RBFOX1: variants seen among roughly 807,000 people sequenced by gnomAD.
The protein encoded by RBFOX1 is RNA binding fox-1 homolog 1.
In RBFOX1, 8 loss-of-function variants were observed where a neutral mutation model predicts 57.7. That is an observed-to-expected ratio of 0.14 (90% CI 0.08 to 0.25). RBFOX1 has a LOEUF of 0.25. Ranked by LOEUF, RBFOX1 falls within the 10% of genes least tolerant of loss-of-function variation. RBFOX1 has a pLI of 1.00. For synonymous variants in RBFOX1, 326 were observed against 222.4 expected (o/e 1.47, Z -4.15); for missense variants, 611 against 548.5 (o/e 1.11, Z -1.14).
At chr16:6,665,804 A>G (rs1033584061) in intron 3 of RBFOX1, among the ~76,000 whole-genome samples, 1 of 152,182 alleles carries the variant, frequency 6.6e-6, no homozygotes, top group Non-Finnish European at 1.5e-5. Context: ...AATCCTTAGA[A>G]AGATCCTTTA....
chr16:7,338,629 A>C (rs4787000), intron 4 of RBFOX1, among the ~76,000 whole-genome samples: 133,900 of 152,124 alleles, frequency 0.88, 59,216 homozygotes, highest in East Asian at 0.99. Context: ...CTGGTCTCAG[A>C]CACACACACT....
Position 7,443,450 on chromosome 16 carries a change from C to T in RBFOX1, c.28-74697C>T, listed in dbSNP as rs1195485628. Among the ~76,000 whole-genome samples, 8 of 150,902 alleles carry T rather than the reference C, an allele frequency of 5.3e-5. No homozygotes were observed. In the East Asian group the frequency reaches 1.4e-3, roughly 26 times the overall value. ...CCCCTCCCCTCTTTCTTTGCCCCCT[C>T]CCCCTCTCTTATAAGATTTCAGTTC... On this transcript the variant is annotated intron_variant, in intron 4 of 15. Transcript: ENST00000550418.
At chr16:5,756,244 A>AAAAAAAAAAAC (rs2053392258) in intron 3 of RBFOX1, among the ~76,000 whole-genome samples, 1 of 151,006 alleles carries the variant, frequency 6.6e-6, no homozygotes. Flanking sequence ...AAAAAAAAAA[A>AAAAAAAAAAAC]AAAACCCTGC....
At chr16:6,695,225 G>A (rs1318556915) in intron 3 of RBFOX1, among the ~76,000 whole-genome samples, 1 of 152,024 alleles carries the variant, frequency 6.6e-6, no homozygotes, top group Non-Finnish European at 1.5e-5. Context: ...TTTGAGACCA[G>A]CTTGGCCAAC....
chr16:5,671,496 A>G (rs545865142), intron 3 of RBFOX1, among the ~76,000 whole-genome samples: 2 of 152,352 alleles, frequency 1.3e-5, no homozygotes, highest in South Asian at 4.1e-4. Flanking sequence ...GGCATTCAGG[A>G]AATTCAGCCA....
chr16:5,279,192 A>G (rs1219491824), intron 1 of RBFOX1, among the ~76,000 whole-genome samples: 6 of 152,136 alleles, frequency 3.9e-5, no homozygotes, highest in Admixed American at 1.3e-4. Flanking sequence ...TTTTCACAAT[A>G]TTAGTTATTC....
At chr16:6,284,637 C>T (rs753541452) in intron 1 of RBFOX1, among the ~76,000 whole-genome samples, 1 of 152,136 alleles carries the variant, frequency 6.6e-6, no homozygotes, top group Non-Finnish European at 1.5e-5. Flanking sequence ...GGTATACTTA[C>T]AGAAAGTGGA....
rs1230576283 is a variant in RBFOX1, at chr16:7,504,787, TTA to T, written c.28-13346_28-13345del. 4.4e-3 allele frequency among the ~76,000 whole-genome samples: 41 copies of T among 9,330 alleles called. 3 individuals are homozygous for T. Among genetic ancestry groups the T allele is most frequent in the South Asian group, 0.013 (3 of 236 alleles). The allele number at this position is 9,330 out of a possible 152,430, so 6.1% of individuals were successfully genotyped here. ...TATATATATTTATATATATATATAT[TTA>T]TATATATATATATTTATATATATAT... On this transcript the variant is annotated intron_variant, in intron 4 of 15. Transcript: ENST00000550418.
At chr16:6,107,512 T>C (rs962160714) in intron 1 of RBFOX1, among the ~76,000 whole-genome samples, 11 of 152,136 alleles carry the variant, frequency 7.2e-5, no homozygotes, top group Admixed American at 6.5e-4. Flanking sequence ...ATATCCTCTA[T>C]GTATTAATTA....
intron 3 of RBFOX1, among the ~76,000 whole-genome samples, chr16:5,791,772 A>G (rs147197780): frequency 1.1e-4 from 17 of 152,384 alleles, no homozygotes; most frequent in Non-Finnish European, 2.2e-4. Flanking sequence ...TAAGCAATGC[A>G]ATAAGCATAT....
chr16:6,550,290 C>A (rs557671958), intron 2 of RBFOX1, among the ~76,000 whole-genome samples: 2 of 152,196 alleles, frequency 1.3e-5, no homozygotes, highest in African/African-American at 4.8e-5. Flanking sequence ...AATTCTCTTG[C>A]CTCAACCTTC....
At chr16:7,682,796 G>A (rs966325747) in intron 14 of RBFOX1, among the ~76,000 whole-genome samples, 1 of 149,658 alleles carries the variant, frequency 6.7e-6, no homozygotes, top group Non-Finnish European at 1.5e-5. Flanking sequence ...ACTTTTTCTT[G>A]TTCATTTAAA....
chr16:6,556,260 A>C (rs1206836439), intron 2 of RBFOX1, among the ~76,000 whole-genome samples: 2 of 152,188 alleles, frequency 1.3e-5, no homozygotes, highest in Admixed American at 6.5e-5. Flanking sequence ...GCATGTGTAC[A>C]AAAAGGCATC....
intron 4 of RBFOX1, among the ~76,000 whole-genome samples, chr16:7,311,757 G>T (rs1368034030): frequency 3.3e-5 from 5 of 152,132 alleles, no homozygotes; most frequent in Non-Finnish European, 7.4e-5. Context: ...GAAAAACCCA[G>T]ATCTATTTAG....
At chr16:6,548,388 T>C (rs997268995) in intron 2 of RBFOX1, among the ~76,000 whole-genome samples, 1 of 152,156 alleles carries the variant, frequency 6.6e-6, no homozygotes, top group Non-Finnish European at 1.5e-5. Flanking sequence ...TTGGGGGGTA[T>C]GTAGTGTCTC....
chr16:6,205,541 T>C lies in RBFOX1; in HGVS notation c.-126-111454T>C, dbSNP rs565180653. Among the ~76,000 whole-genome samples, 8 of 152,300 alleles carry C rather than the reference T, an allele frequency of 5.3e-5. No homozygotes were observed. In the South Asian group the frequency reaches 1.7e-3, roughly 32 times the overall value. On this transcript the variant is annotated intron_variant, in intron 1 of 15. Coordinates refer to ENST00000550418, the MANE Select transcript of RBFOX1 (RefSeq NM_018723.4). ...ATCTTTAACTGTTGTCAGATGTTTCTGCAGGCTCCAGATTTATGGTTCCCC... is the reference window on the plus strand; with the variant it reads ...ATCTTTAACTGTTGTCAGATGTTTCCGCAGGCTCCAGATTTATGGTTCCCC...
At chr16:7,342,700 G>A (rs1295594829) in intron 4 of RBFOX1, among the ~76,000 whole-genome samples, 2 of 152,074 alleles carry the variant, frequency 1.3e-5, no homozygotes, top group African/African-American at 4.8e-5. Context: ...CGAAGGAGAG[G>A]GAGAGATGCC....
intron 7 of RBFOX1, among the ~76,000 whole-genome samples, chr16:7,590,125 G>T (rs1453179901): frequency 6.6e-6 from 1 of 151,856 alleles, no homozygotes; most frequent in African/African-American, 2.4e-5. Flanking sequence ...AAATTAGCTG[G>T]GCATGGTGAT....
chr16:5,277,066 G>A (rs2063159358), intron 1 of RBFOX1, among the ~76,000 whole-genome samples: 1 of 152,056 alleles, frequency 6.6e-6, no homozygotes, highest in Non-Finnish European at 1.5e-5. Context: ...TCAATTAGTG[G>A]ATAAAGAAAA....
Sources: gnomAD v4.1 joint callset for allele counts (sites outside exome capture counted in the v4.1 genomes callset) on GRCh38, gnomAD v4.1.1 for gene constraint, MANE v1.5 for transcripts, NCBI Gene and HGNC (gene_info 2026-07-23, HGNC 2026-07-21) for gene names.